XKR6: variants seen among roughly 807,000 people sequenced by gnomAD.
XKR6 encodes XK related 6.
A neutral mutation model predicts 56.7 loss-of-function variants in XKR6; 22 were observed. The ratio of observed to expected loss-of-function variants is 0.39; its 90% CI spans 0.28 to 0.55. The LOEUF is 0.55. Among genes scored for constraint, XKR6 ranks in the 20% least tolerant of loss-of-function variants. The probability of loss-of-function intolerance (pLI) is 0.66; values close to 1 mark genes in which losing one functional copy is unlikely to be tolerated. For synonymous variants in XKR6, 524 were observed against 387.8 expected, an observed-to-expected ratio of 1.35 and a Z score of -4.13; for missense variants, 852 against 889.0, an observed-to-expected ratio of 0.96 and a Z score of 0.53.
At chr8:11,126,918 C>T (rs1799830287) in intron 1 of XKR6, among the ~76,000 whole-genome samples, 1 of 152,134 alleles carries the variant, frequency 6.6e-6, no homozygotes, top group South Asian at 2.1e-4. Flanking sequence ...TCAGTGTGTT[C>T]CCTCCATGTA....
At chr8:11,043,542 A>C (rs1406228832) in intron 1 of XKR6, among the ~76,000 whole-genome samples, 1 of 152,248 alleles carries the variant, frequency 6.6e-6, no homozygotes, top group African/African-American at 2.4e-5. Flanking sequence ...CAGCAGCTGC[A>C]GAGCCCCTGG....
At chr8:10,901,083 T>G (rs1379240718) in intron 2 of XKR6, among the ~76,000 whole-genome samples, 13 of 140,786 alleles carry the variant, frequency 9.2e-5, no homozygotes, top group Middle Eastern at 7.6e-3. Flanking sequence ...TAAGATGGAG[T>G]CCCACTCTGT....
intron 2 of XKR6, among the ~76,000 whole-genome samples, chr8:10,908,075 C>T (rs1196943788): frequency 2.6e-5 from 4 of 152,206 alleles, no homozygotes; most frequent in Non-Finnish European, 4.4e-5. Context: ...AGGATGTACA[C>T]GCCCACGCTG....
chr8:10,977,350 C>A (rs1802597108), intron 1 of XKR6, among the ~76,000 whole-genome samples: 1 of 152,022 alleles, frequency 6.6e-6, no homozygotes, highest in East Asian at 1.9e-4. Flanking sequence ...TGGTGGCCAA[C>A]TGGAGAATAC....
intron 1 of XKR6, among the ~76,000 whole-genome samples, chr8:11,010,383 G>T (rs543141526): frequency 1.3e-5 from 2 of 152,200 alleles, no homozygotes; most frequent in African/African-American, 4.8e-5. Context: ...GTAAAAACTG[G>T]TCCCAGGCAC....
rs1286227796 is a variant in XKR6, at chr8:11,106,321, A to C, written c.764+94255T>G. ...AGTTTTACTGGCATCTGGGGGTCAT[A>C]CATGGGTCTCTTCAACTACCTCCTT... On this transcript the variant is annotated intron_variant, in intron 1 of 2. Transcript: ENST00000416569. The C allele has an allele frequency of 2.6e-5, 4 of 152,080 alleles. No individual in the cohort carries two copies. The South Asian group carries it at 8.3e-4, about 32-fold the overall frequency. 9.4% of individuals were successfully genotyped at this position (152,080 alleles called of 1,614,324 possible). A position where few individuals can be genotyped will look rare whatever the true frequency, so the allele number is the denominator to read the frequency against.
At chr8:10,911,444 G>A (rs1224813160) in intron 2 of XKR6, among the ~76,000 whole-genome samples, 5 of 145,788 alleles carry the variant, frequency 3.4e-5, no homozygotes, top group African/African-American at 5.1e-5. Context: ...TAGAGGGTAA[G>A]TATACATATA....
chr8:11,035,132 G>T (rs1161863196), intron 1 of XKR6: 53 of 516,120 alleles, frequency 1.0e-4, no homozygotes, highest in South Asian at 7.0e-4. Context: ...GCTGCCATGA[G>T]GTCGAAAGAC....
At chr8:10,960,132 A>C (rs78283312) in intron 1 of XKR6, among the ~76,000 whole-genome samples, 29 of 152,244 alleles carry the variant, frequency 1.9e-4, no homozygotes, top group Admixed American at 1.7e-3. Flanking sequence ...AAAACATAAA[A>C]AGGTCTTTTC....
intron 1 of XKR6, among the ~76,000 whole-genome samples, chr8:11,164,669 C>T (rs537224402): frequency 6.6e-6 from 1 of 152,248 alleles, no homozygotes; most frequent in African/African-American, 2.4e-5. Context: ...AACATACATG[C>T]CACAATAGAG....
chr8:11,186,768 T>C lies in XKR6; in HGVS notation c.764+13808A>G, dbSNP rs112862161. 3.1e-3 allele frequency among the ~76,000 whole-genome samples: 465 copies of C among 152,306 alleles called. 2 individuals are homozygous for C. The highest frequency in any genetic ancestry group is 0.011 in the African/African-American group (447 of 41,564). ...ATGCTGAGGTGTTGAGCCCTGAGGA[T>C]GTCGAAGCCACCACCAGCCATACCA... On this transcript the variant is annotated intron_variant, in intron 1 of 2. Coordinates refer to ENST00000416569, the MANE Select transcript of XKR6 (RefSeq NM_173683.4).
intron 1 of XKR6, among the ~76,000 whole-genome samples, chr8:11,022,245 T>C (rs955530503): frequency 4.6e-5 from 7 of 151,670 alleles, no homozygotes; most frequent in African/African-American, 1.5e-4. Context: ...AGAAAGATGC[T>C]GCAGAGTGCT....
chr8:10,949,360 G>A (rs939554470), intron 1 of XKR6, among the ~76,000 whole-genome samples: 1 of 152,228 alleles, frequency 6.6e-6, no homozygotes, highest in African/African-American at 2.4e-5. Flanking sequence ...TTCATCTGGG[G>A]TGCAGCAGCA....
Position 11,200,475 on chromosome 8 carries a change from C to G in XKR6, c.764+101G>C. Reference sequence around the variant, plus strand: ...CGCGCGGCCGGTCCCTCCTTCGAGCCCCCCGCGCTGGGCCCTTTCGAGGGG... The same window carrying G: ...CGCGCGGCCGGTCCCTCCTTCGAGCGCCCCGCGCTGGGCCCTTTCGAGGGG... On this transcript the variant is annotated intron_variant, in intron 1 of 2. Coordinates refer to ENST00000416569, the MANE Select transcript of XKR6 (RefSeq NM_173683.4). This position sits in a 1 kb window ranked among gnomAD's most constrained non-coding sequence, Gnocchi z 6.4. The G allele has an allele frequency of 7.6e-7, 1 of 1,312,300 alleles. No individual in the cohort carries two copies. 81.3% of individuals were successfully genotyped at this position (1,312,300 alleles called of 1,614,324 possible).
At chr8:11,021,642 G>A (rs1042063619) in intron 1 of XKR6, among the ~76,000 whole-genome samples, 1 of 152,150 alleles carries the variant, frequency 6.6e-6, no homozygotes, top group Non-Finnish European at 1.5e-5. Context: ...ACGCTCCAGA[G>A]TCCATAGAGA....
intron 1 of XKR6, among the ~76,000 whole-genome samples, chr8:11,052,627 C>T (rs989910518): frequency 1.3e-5 from 2 of 152,074 alleles, no homozygotes; most frequent in Admixed American, 6.5e-5. Flanking sequence ...GAGCCCAGAG[C>T]CCAGTTCTCT....
At chr8:11,091,013 T>G (rs758039251) in intron 1 of XKR6, among the ~76,000 whole-genome samples, 40 of 152,180 alleles carry the variant, frequency 2.6e-4, no homozygotes, top group Admixed American at 9.8e-4. Flanking sequence ...TAACCTTTGC[T>G]TCCTCCAAGT....
chr8:11,112,667 G>A (rs1038129851), intron 1 of XKR6, among the ~76,000 whole-genome samples: 2 of 152,158 alleles, frequency 1.3e-5, no homozygotes, highest in South Asian at 2.1e-4. Flanking sequence ...GAACCACTGA[G>A]TGCACACTGG....
chr8:11,150,040 A>G (rs548678724), intron 1 of XKR6, among the ~76,000 whole-genome samples: 1 of 152,286 alleles, frequency 6.6e-6, no homozygotes, highest in African/African-American at 2.4e-5. Flanking sequence ...GGAGGTAGAG[A>G]GTAGAATGAG....
Sources: gnomAD v4.1 joint callset for allele counts (sites outside exome capture counted in the v4.1 genomes callset) on GRCh38, gnomAD v4.1.1 for gene constraint, Gnocchi (gnomAD v3.1) non-coding constraint, MANE v1.5 for transcripts, NCBI Gene and HGNC (gene_info 2026-07-23, HGNC 2026-07-21) for gene names.